Variants in FAM83B observed in about 807,000 individuals in gnomAD.
FAM83B encodes the protein protein FAM83B.
A neutral mutation model predicts 38.8 loss-of-function variants in FAM83B; 26 were observed. The observed-to-expected ratio is 0.67, with a 90% CI of 0.49 to 0.93. The LOEUF (loss-of-function observed/expected upper bound fraction) is 0.93, where lower values mean the gene tolerates loss of function less well. Ranked by LOEUF, FAM83B falls within the 40% of genes least tolerant of loss-of-function variation. FAM83B has a pLI of 0.00. For synonymous variants in FAM83B, 419 were observed against 423.1 expected, an observed-to-expected ratio of 0.99 and a Z score of 0.12; for missense variants, 1,237 against 1,197.3, an observed-to-expected ratio of 1.03 and a Z score of -0.49.
At chr6:54,868,766 G>A (rs1309149600) in intron 1 of FAM83B, among the ~76,000 whole-genome samples, 2 of 152,022 alleles carry the variant, frequency 1.3e-5, no homozygotes, top group Non-Finnish European at 2.9e-5. Context: ...TCAAGCTGAG[G>A]GCTTTCCAAA....
At chr6:54,917,670 C>T (rs943879394) in intron 2 of FAM83B, among the ~76,000 whole-genome samples, 5 of 151,996 alleles carry the variant, frequency 3.3e-5, no homozygotes, top group African/African-American at 1.2e-4. Flanking sequence ...TCATTTTCTC[C>T]ATAATAAGTT....
At chr6:54,937,599 G>T (rs936193810) in intron 4 of FAM83B, among the ~76,000 whole-genome samples, 2 of 151,918 alleles carry the variant, frequency 1.3e-5, no homozygotes, top group South Asian at 4.2e-4. Flanking sequence ...TAAAATACAT[G>T]CATTAACACA....
intron 4 of FAM83B, among the ~76,000 whole-genome samples, chr6:54,936,311 T>G (rs541242996): frequency 2.6e-5 from 4 of 152,218 alleles, no homozygotes; most frequent in Non-Finnish European, 5.9e-5. Context: ...ACCTCAACAC[T>G]TGGAAGTTGT....
intron 2 of FAM83B, among the ~76,000 whole-genome samples, chr6:54,873,860 C>T (rs1771924585): frequency 6.6e-6 from 1 of 151,850 alleles, no homozygotes; most frequent in Non-Finnish European, 1.5e-5. Context: ...TTTGTGTTTG[C>T]AGTTGAGATA....
intron 2 of FAM83B, among the ~76,000 whole-genome samples, chr6:54,914,193 TG>T (rs1264839159): frequency 6.6e-6 from 1 of 152,150 alleles, no homozygotes; most frequent in East Asian, 1.9e-4. Context: ...AAGATACCAA[TG>T]GGTGTGTTCC....
At chr6:54,873,145 G>A (rs1158334552) in intron 2 of FAM83B, among the ~76,000 whole-genome samples, 1 of 151,968 alleles carries the variant, frequency 6.6e-6, no homozygotes, top group African/African-American at 2.4e-5. Context: ...TTATAGGCAT[G>A]AATCACCACA....
At chr6:54,933,744 A>G (rs569108956) in intron 4 of FAM83B, among the ~76,000 whole-genome samples, 2 of 152,220 alleles carry the variant, frequency 1.3e-5, no homozygotes, top group East Asian at 1.9e-4. Flanking sequence ...CAGGTTTAAC[A>G]TGCTGCTTAC....
chr6:54,891,923 CCA>C (rs1561916206), intron 2 of FAM83B, among the ~76,000 whole-genome samples: 1 of 152,032 alleles, frequency 6.6e-6, no homozygotes, highest in East Asian at 1.9e-4. Context: ...TCCCAAAGTA[CCA>C]GGATTATAGG....
At chr6:54,858,468 C>G (rs1458392996) in intron 1 of FAM83B, among the ~76,000 whole-genome samples, 7 of 152,184 alleles carry the variant, frequency 4.6e-5, no homozygotes. Flanking sequence ...AAAATATAGA[C>G]TTCAGCTTCC....
intron 2 of FAM83B, among the ~76,000 whole-genome samples, chr6:54,907,766 G>T (rs960091680): frequency 2.0e-5 from 3 of 152,010 alleles, no homozygotes; most frequent in African/African-American, 7.2e-5. Flanking sequence ...ACACTGTAAT[G>T]TTGCCAAATT....
intron 4 of FAM83B, among the ~76,000 whole-genome samples, chr6:54,928,176 G>T (rs1773347612): frequency 6.6e-6 from 1 of 152,208 alleles, no homozygotes. Context: ...ACATAGTGAG[G>T]CTACATAAAC....
At chr6:54,873,535 AGCC>A (rs1354717916) in intron 2 of FAM83B, among the ~76,000 whole-genome samples, 1 of 152,124 alleles carries the variant, frequency 6.6e-6, no homozygotes, top group Admixed American at 6.6e-5. Context: ...AATCAATGGG[AGCC>A]TAATAGTCAT....
chr6:54,895,569 T>A (rs952201042), intron 2 of FAM83B, among the ~76,000 whole-genome samples: 1 of 152,214 alleles, frequency 6.6e-6, no homozygotes, highest in Non-Finnish European at 1.5e-5. Flanking sequence ...AATACACATT[T>A]ACATATCAAG....
At chr6:54,922,092 C>G (rs2127587373) in intron 2 of FAM83B, among the ~76,000 whole-genome samples, 1 of 152,066 alleles carries the variant, frequency 6.6e-6, no homozygotes, top group East Asian at 1.9e-4. Flanking sequence ...ATTATTTTGT[C>G]ATGCAAGAAA....
intron 2 of FAM83B, among the ~76,000 whole-genome samples, chr6:54,887,307 T>A (rs538553466): frequency 6.6e-6 from 1 of 152,290 alleles, no homozygotes; most frequent in Non-Finnish European, 1.5e-5. Context: ...GATGCAAAAC[T>A]CACATCTGTG....
At chr6:54,893,517 A>G (rs1044785280) in intron 2 of FAM83B, among the ~76,000 whole-genome samples, 4 of 152,126 alleles carry the variant, frequency 2.6e-5, no homozygotes, top group Non-Finnish European at 5.9e-5. Context: ...GGAAATTTCT[A>G]GGTATAAATG....
chr6:54,907,057 T>C (rs1438445362), intron 2 of FAM83B, among the ~76,000 whole-genome samples: 2 of 152,194 alleles, frequency 1.3e-5, no homozygotes, highest in African/African-American at 2.4e-5. Context: ...TTATACTCAT[T>C]ACAGTTATAT....
intron 2 of FAM83B, among the ~76,000 whole-genome samples, chr6:54,912,494 T>C (rs188421220): frequency 7.9e-5 from 12 of 151,120 alleles, no homozygotes; most frequent in African/African-American, 2.9e-4. Flanking sequence ...AAAATAGAAA[T>C]TGTTAATAAA....
At chr6:54,903,321 G>C (rs1250504075) in intron 2 of FAM83B, among the ~76,000 whole-genome samples, 3 of 152,276 alleles carry the variant, frequency 2.0e-5, no homozygotes, top group Admixed American at 2.0e-4. Flanking sequence ...AGTCCAAAGA[G>C]TTGGACCGGC....
Sources: gnomAD v4.1 joint callset for allele counts (sites outside exome capture counted in the v4.1 genomes callset) on GRCh38, gnomAD v4.1.1 for gene constraint, MANE v1.5 for transcripts, NCBI Gene and HGNC (gene_info 2026-07-23, HGNC 2026-07-21) for gene names.